ROBO2: variants seen among roughly 807,000 people sequenced by gnomAD.
ROBO2 encodes roundabout guidance receptor 2, also known as roundabout homolog 2.
Under a neutral mutation model 160.8 loss-of-function variants are expected in ROBO2, and 53 were observed. The ratio of observed to expected loss-of-function variants is 0.33; its 90% CI spans 0.26 to 0.41. The LOEUF (loss-of-function observed/expected upper bound fraction) is 0.41. Ranked by LOEUF, ROBO2 falls within the 10% of genes least tolerant of loss-of-function variation. ROBO2 has a pLI of 1.00. For synonymous variants in ROBO2, 664 were observed against 611.7 expected, an observed-to-expected ratio of 1.09 and a Z score of -1.26; for missense variants, 1,577 against 1,722.4, an observed-to-expected ratio of 0.92 and a Z score of 1.49.
intron 2 of ROBO2, among the ~76,000 whole-genome samples, chr3:76,252,255 G>A (rs1706051000): frequency 6.6e-6 from 1 of 151,972 alleles, no homozygotes. Flanking sequence ...GATTGGTTTG[G>A]CCAATCTAAG....
intron 2 of ROBO2, among the ~76,000 whole-genome samples, chr3:76,009,203 C>A (rs895881831): frequency 2.0e-5 from 3 of 152,072 alleles, no homozygotes; most frequent in African/African-American, 4.8e-5. Flanking sequence ...CCCGGGTTCC[C>A]GCCATTCTCC....
At chr3:76,246,494 G>C (rs1490467642) in intron 2 of ROBO2, among the ~76,000 whole-genome samples, 4 of 151,984 alleles carry the variant, frequency 2.6e-5, no homozygotes, top group Non-Finnish European at 5.9e-5. Context: ...CTGCATTTTT[G>C]TTAAAATTCT....
intron 1 of ROBO2, among the ~76,000 whole-genome samples, chr3:77,053,997 A>G (rs764045279): frequency 2.6e-5 from 4 of 152,208 alleles, no homozygotes; most frequent in Non-Finnish European, 4.4e-5. Context: ...CTTTCAATGA[A>G]TGTGGCTTAA....
intron 2 of ROBO2, among the ~76,000 whole-genome samples, chr3:76,176,543 A>C (rs1175686328): frequency 1.3e-5 from 2 of 152,156 alleles, no homozygotes; most frequent in Non-Finnish European, 2.9e-5. Context: ...CTTGGAGTAC[A>C]AAACAGTGAG....
intron 2 of ROBO2, among the ~76,000 whole-genome samples, chr3:77,368,798 T>C (rs1446470922): frequency 2.0e-5 from 3 of 152,190 alleles, no homozygotes; most frequent in African/African-American, 7.2e-5. Context: ...ATCTCTAATA[T>C]GATAGAAAAT....
chr3:76,081,146 C>T (rs1441813873), intron 2 of ROBO2, among the ~76,000 whole-genome samples: 1 of 150,340 alleles, frequency 6.7e-6, no homozygotes, highest in Non-Finnish European at 1.5e-5. Flanking sequence ...TTTTTTTTTA[C>T]AAAATTTTAT....
chr3:76,657,011 G>A (rs186490584), intron 2 of ROBO2, among the ~76,000 whole-genome samples: 2 of 152,178 alleles, frequency 1.3e-5, no homozygotes, highest in East Asian at 3.9e-4. Context: ...AAGTCTCTAA[G>A]CACCTTGCTT....
At chr3:76,611,901 T>C (rs1003993574) in intron 2 of ROBO2, among the ~76,000 whole-genome samples, 6 of 152,224 alleles carry the variant, frequency 3.9e-5, no homozygotes. Flanking sequence ...TTTACTGCTA[T>C]AAACTTTCCT....
chr3:76,049,411 T>A (rs1444167578), intron 2 of ROBO2, among the ~76,000 whole-genome samples: 130 of 117,324 alleles, frequency 1.1e-3, no homozygotes, highest in South Asian at 1.4e-3. Flanking sequence ...ATATTTTTTT[T>A]TTTTTTTTTT....
intron 2 of ROBO2, among the ~76,000 whole-genome samples, chr3:77,289,991 G>C (rs2060986534): frequency 6.6e-6 from 1 of 151,540 alleles, no homozygotes; most frequent in Non-Finnish European, 1.5e-5. Flanking sequence ...GGTTAAACGG[G>C]TAAACTGAGG....
intron 2 of ROBO2, among the ~76,000 whole-genome samples, chr3:76,248,185 T>A (rs1215208139): frequency 1.3e-5 from 2 of 151,920 alleles, no homozygotes; most frequent in Non-Finnish European, 2.9e-5. Context: ...TAAAGACACA[T>A]GCGCACGTAT....
chr3:76,883,989 T>C (rs578041910), intron 2 of ROBO2, among the ~76,000 whole-genome samples: 1 of 152,296 alleles, frequency 6.6e-6, no homozygotes, highest in South Asian at 2.1e-4. Flanking sequence ...ATGTAGCATA[T>C]TCACAATAAT....
chr3:76,394,835 A>G (rs2077344586), intron 2 of ROBO2, among the ~76,000 whole-genome samples: 1 of 152,164 alleles, frequency 6.6e-6, no homozygotes, highest in Non-Finnish European at 1.5e-5. Context: ...GCAAGTGCTT[A>G]GAGACCTACA....
At chr3:77,511,083 G>T (rs569357871) in intron 5 of ROBO2, among the ~76,000 whole-genome samples, 2 of 152,092 alleles carry the variant, frequency 1.3e-5, no homozygotes, top group South Asian at 4.1e-4. Flanking sequence ...TAGAGGAGAT[G>T]AAACTCATTT....
At chr3:77,227,633 A>G (rs1448160273) in intron 2 of ROBO2, among the ~76,000 whole-genome samples, 1 of 152,248 alleles carries the variant, frequency 6.6e-6, no homozygotes, top group Non-Finnish European at 1.5e-5. Flanking sequence ...ACAGCACTCA[A>G]TGATTCTGCC....
intron 5 of ROBO2, among the ~76,000 whole-genome samples, chr3:77,501,351 T>G (rs776236325): frequency 2.0e-5 from 3 of 152,206 alleles, no homozygotes; most frequent in Non-Finnish European, 4.4e-5. Flanking sequence ...CACAAATACT[T>G]GTGTGCACAA....
intron 2 of ROBO2, among the ~76,000 whole-genome samples, chr3:77,465,225 T>C (rs2082650731): frequency 6.6e-6 from 1 of 152,196 alleles, no homozygotes; most frequent in Non-Finnish European, 1.5e-5. Flanking sequence ...TATGGCATAA[T>C]GAAGTGCCTC....
chr3:76,752,831 A>G (rs2060753799), intron 2 of ROBO2, among the ~76,000 whole-genome samples: 1 of 151,664 alleles, frequency 6.6e-6, no homozygotes, highest in Admixed American at 6.6e-5. Flanking sequence ...AAAAACTTCT[A>G]AGGCTTTAGG....
rs2081865610 is a variant in ROBO2 at position 76,524,897 on chromosome 3, T to C, written c.110-573117T>C. Among the ~76,000 whole-genome samples, 4 of 135,794 alleles carry C rather than the reference T, an allele frequency of 2.9e-5. No homozygotes were observed. In the Admixed American group the frequency reaches 3.0e-4, roughly 10 times the overall value. The allele number at this position is 135,794 out of a possible 152,430, so 89.1% of individuals were successfully genotyped here. On this transcript the variant is annotated intron_variant, in intron 2 of 26. Transcript: ENST00000487694. ...AAAATCAGATACATCAAATAAATGA[T>C]TTCTACGCCTCACATTGGATTTATA...
Sources: allele counts gnomAD v4.1 joint callset (sites outside exome capture counted in the v4.1 genomes callset), GRCh38; gene constraint gnomAD v4.1.1; transcripts MANE v1.5; gene names NCBI Gene and HGNC (gene_info 2026-07-23, HGNC 2026-07-21).